FILIP1L: variants seen among roughly 807,000 people sequenced by gnomAD.
FILIP1L encodes filamin A interacting protein 1 like, also known as filamin A-interacting protein 1-like.
In FILIP1L, 55 loss-of-function variants were observed where a neutral mutation model predicts 96.6. The observed-to-expected ratio is 0.57, with a 90% CI of 0.46 to 0.71. The LOEUF (loss-of-function observed/expected upper bound fraction) is 0.71. Among genes scored for constraint, FILIP1L ranks in the 30% least tolerant of loss-of-function variants. The probability of loss-of-function intolerance (pLI) is 0.00; values close to 1 mark genes in which losing one functional copy is unlikely to be tolerated. For missense variants in FILIP1L, 1,304 were observed against 1,321.2 expected (o/e 0.99, Z 0.20); for synonymous variants, 467 against 473.9 (o/e 0.99, Z 0.19).
intron 1 of FILIP1L, among the ~76,000 whole-genome samples, chr3:100,017,201 T>G (rs1710370078): frequency 6.6e-6 from 1 of 152,200 alleles, no homozygotes; most frequent in Non-Finnish European, 1.5e-5. Flanking sequence ...GATTATCAAT[T>G]AAGCTGAAAA....
At chr3:100,088,247 TC>T (rs1237327261) in intron 1 of FILIP1L, among the ~76,000 whole-genome samples, 2 of 152,190 alleles carry the variant, frequency 1.3e-5, no homozygotes, top group African/African-American at 4.8e-5. Flanking sequence ...CCCTTGGACA[TC>T]CCTTACCTAA....
intron 1 of FILIP1L, among the ~76,000 whole-genome samples, chr3:99,978,302 G>T (rs1461217360): frequency 6.6e-6 from 1 of 151,252 alleles, no homozygotes; most frequent in East Asian, 2.0e-4. Context: ...CAAGGGAAAA[G>T]AAATCAATAT....
At chr3:99,948,819 C>T (rs920919836) in intron 1 of FILIP1L, among the ~76,000 whole-genome samples, 5 of 151,788 alleles carry the variant, frequency 3.3e-5, no homozygotes, top group African/African-American at 1.2e-4. Context: ...GCCTCAGAAT[C>T]ATAAGACATC....
intron 4 of FILIP1L, among the ~76,000 whole-genome samples, chr3:99,858,514 A>G (rs765291580): frequency 6.6e-6 from 1 of 152,188 alleles, no homozygotes; most frequent in Non-Finnish European, 1.5e-5. Flanking sequence ...AAATAATAAT[A>G]AATCCATCAT....
chr3:99,893,859 A>G (rs1342420883), intron 4 of FILIP1L, among the ~76,000 whole-genome samples: 1 of 152,188 alleles, frequency 6.6e-6, no homozygotes, highest in African/African-American at 2.4e-5. Context: ...CCCCAACCCA[A>G]GACGTTTTGA....
At chr3:100,035,910 AT>A (rs1179900426) in intron 1 of FILIP1L, among the ~76,000 whole-genome samples, 1 of 152,138 alleles carries the variant, frequency 6.6e-6, no homozygotes, top group African/African-American at 2.4e-5. Context: ...CTATTATGTG[AT>A]TTGAACTTTG....
At chr3:100,017,997 C>G (rs537725310) in intron 1 of FILIP1L, among the ~76,000 whole-genome samples, 13 of 152,048 alleles carry the variant, frequency 8.5e-5, no homozygotes, top group Admixed American at 2.6e-4. Context: ...GAAGGGTATT[C>G]AGGAGGATTT....
At chr3:100,101,859 G>C (rs2066312668) in intron 1 of FILIP1L, among the ~76,000 whole-genome samples, 1 of 152,146 alleles carries the variant, frequency 6.6e-6, no homozygotes, top group Non-Finnish European at 1.5e-5. Flanking sequence ...CTACGAGTGA[G>C]AACATGCAGT....
At position 99,930,919 on chromosome 3, in the gene FILIP1L, T is replaced by C. The variant is rs753957300; in HGVS notation, c.102A>G (p.Arg34=). The change falls in exon 2 of 6, where the codon AGA becomes AGG. Residue 34 remains arginine (R), a synonymous_variant. Coordinates refer to ENST00000477258, the MANE Select transcript of FILIP1L (RefSeq NM_001387850.1). ...CACTGGGGGAGTCTTTGTCTTGCTG[T>C]CTATGCTTCATGTTTTTAGGCCCTT... is the stretch of plus-strand genomic sequence containing the variant. ...SFQGPKNMKH[R]QQDKDSPSES... The C allele has an allele frequency of 6.2e-7, 1 of 1,613,624 alleles. No homozygotes were observed.
chr3:99,988,235 C>T (rs544023733), intron 1 of FILIP1L, among the ~76,000 whole-genome samples: 163 of 151,332 alleles, frequency 1.1e-3, no homozygotes, highest in African/African-American at 3.7e-3. Flanking sequence ...CAGTGCCTCA[C>T]GCCTGTAATC....
intron 1 of FILIP1L, chr3:100,023,358 A>G (rs1442937675): frequency 6.6e-6 from 1 of 152,650 alleles, no homozygotes; most frequent in African/African-American, 2.4e-5. Flanking sequence ...AAAGTCAAAC[A>G]TGGATGGCAG....
intron 1 of FILIP1L, among the ~76,000 whole-genome samples, chr3:100,050,289 C>T (rs1386369595): frequency 6.6e-6 from 1 of 152,064 alleles, no homozygotes; most frequent in Admixed American, 6.5e-5. Context: ...TAAATGTGCC[C>T]TCTAATGAGT....
chr3:99,875,426 C>T (rs1215329944), intron 4 of FILIP1L, among the ~76,000 whole-genome samples: 1 of 152,168 alleles, frequency 6.6e-6, no homozygotes, highest in African/African-American at 2.4e-5. Flanking sequence ...TGAGGTTTGT[C>T]ATTTTTCCAA....
At chr3:99,837,398 G>A (rs1006582349) in intron 5 of FILIP1L, among the ~76,000 whole-genome samples, 1 of 146,548 alleles carries the variant, frequency 6.8e-6, no homozygotes, top group South Asian at 2.1e-4. Flanking sequence ...AAAGGCATAA[G>A]AATAGAAGAA....
chr3:99,985,483 G>A (rs1166645418), intron 1 of FILIP1L, among the ~76,000 whole-genome samples: 4 of 152,138 alleles, frequency 2.6e-5, no homozygotes, highest in Non-Finnish European at 4.4e-5. Flanking sequence ...CTGGGTGACA[G>A]CAAGACCCTG....
intron 1 of FILIP1L, among the ~76,000 whole-genome samples, chr3:99,933,140 G>C (rs1022022237): frequency 2.6e-5 from 4 of 152,102 alleles, no homozygotes; most frequent in Non-Finnish European, 4.4e-5. Context: ...TAGGAAACCT[G>C]GCTCAGGGAC....
intron 1 of FILIP1L, among the ~76,000 whole-genome samples, chr3:100,060,274 ATGCAAGGAGAAACCATGAGGAGACTCT>A (rs1204864836): frequency 1.8e-4 from 27 of 152,248 alleles, no homozygotes; most frequent in Non-Finnish European, 3.5e-4. Flanking sequence ...GTGAAGTACC[ATGCAAGGAGAAACCATGAGGAGACTCT>A]TGCCTTAGTA....
chr3:99,962,351 T>G (rs1708518434), intron 1 of FILIP1L, among the ~76,000 whole-genome samples: 3 of 152,192 alleles, frequency 2.0e-5, no homozygotes, highest in African/African-American at 7.2e-5. Flanking sequence ...GAAGGATATT[T>G]ATTGTTCTCT....
At chr3:100,088,877 T>C (rs1315805842) in intron 1 of FILIP1L, among the ~76,000 whole-genome samples, 1 of 152,172 alleles carries the variant, frequency 6.6e-6, no homozygotes, top group Admixed American at 6.5e-5. Flanking sequence ...TTCCTTTTTG[T>C]GATGTAAATG....
Sources: gnomAD v4.1 joint callset for allele counts (sites outside exome capture counted in the v4.1 genomes callset) on GRCh38, gnomAD v4.1.1 for gene constraint, MANE v1.5 for transcripts, NCBI Gene and HGNC (gene_info 2026-07-23, HGNC 2026-07-21) for gene names.